Variants in CPLX4 observed in about 807,000 individuals in gnomAD.
CPLX4 encodes the protein complexin 4, also known as complexin-4.
CPLX4 carries 17 observed loss-of-function variants against 16.1 expected under a neutral mutation model. The ratio of observed to expected loss-of-function variants is 1.06; its 90% CI spans 0.72 to 1.59. The LOEUF is 1.59. Ranked by LOEUF, CPLX4 falls within the 40% of genes most tolerant of loss-of-function variation. The pLI is 0.00. For synonymous variants in CPLX4, 55 were observed against 57.8 expected, an observed-to-expected ratio of 0.95 and a Z score of 0.22; for missense variants, 193 against 192.9, an observed-to-expected ratio of 1.00 and a Z score of 0.00.
chr18:59,316,569 A>T (rs942452160), intron 1 of CPLX4, among the ~76,000 whole-genome samples: 2 of 152,152 alleles, frequency 1.3e-5, no homozygotes, highest in Non-Finnish European at 2.9e-5. Context: ...CCTCTTTATC[A>T]TAGGGAAGCC....
chr18:59,304,166 C>T (rs17696543), intron 2 of CPLX4, among the ~76,000 whole-genome samples: 21,478 of 152,174 alleles, frequency 0.14, 1,751 homozygotes, highest in Non-Finnish European at 0.18. Flanking sequence ...GCCCTTAATA[C>T]GGCAGACAAA....
rs2070626354 is a variant in CPLX4, at chr18:59,312,757, A to G, written c.183T>C (p.Ala61=). The change falls in exon 2 of 3, where the codon GCT becomes GCC. Residue 61 remains alanine, a synonymous_variant. Transcript: ENST00000299721. ...QMIEEKMERD[A]AFTQKKAERA... is the part of the protein sequence containing the mutation. ...TTTCTGCCTTTTTCTGTGTAAATGC[A>G]GCATCTCTTTCCATCCTAAAAGTTA... The G allele has an allele frequency of 7.2e-7, 1 of 1,389,944 alleles. No homozygotes were observed. The highest frequency in any genetic ancestry group is 1.0e-6 in the Non-Finnish European group (1 of 976,040). 86.1% of individuals were successfully genotyped at this position (1,389,944 alleles called of 1,614,324 possible).
intron 1 of CPLX4, 100 bp from the exon 2 acceptor site, chr18:59,312,872 G>A: frequency 1.7e-6 from 1 of 605,586 alleles, no homozygotes; most frequent in Non-Finnish European, 2.9e-6. Flanking sequence ...CTTCTGAGAT[G>A]CCACTGCTGG....
At chr18:59,299,480 C>G (rs1053692539) in intron 2 of CPLX4, among the ~76,000 whole-genome samples, 1 of 152,114 alleles carries the variant, frequency 6.6e-6, no homozygotes, top group East Asian at 1.9e-4. Context: ...TAGAGGAAAG[C>G]GTGTCAGCCA....
At chr18:59,312,400 T>G (rs2070622450) in intron 2 of CPLX4, among the ~76,000 whole-genome samples, 1 of 148,572 alleles carries the variant, frequency 6.7e-6, no homozygotes, top group Non-Finnish European at 1.5e-5. Context: ...GATATACGTG[T>G]GTGCATATAT....
intron 2 of CPLX4, among the ~76,000 whole-genome samples, chr18:59,297,691 A>G (rs2070511273): frequency 6.6e-6 from 1 of 152,236 alleles, no homozygotes; most frequent in African/African-American, 2.4e-5. Context: ...TGCAGATTCT[A>G]TCAGCCCCAT....
intron 2 of CPLX4, among the ~76,000 whole-genome samples, chr18:59,298,653 C>T (rs148907982): frequency 1.3e-5 from 2 of 151,836 alleles, no homozygotes; most frequent in Admixed American, 1.3e-4. Context: ...TCTGAATTCT[C>T]CCTGTCTGGG....
chr18:59,316,230 A>G (rs536965494), intron 1 of CPLX4, among the ~76,000 whole-genome samples: 1 of 151,650 alleles, frequency 6.6e-6, no homozygotes, highest in East Asian at 1.9e-4. Flanking sequence ...GACCTCTTTC[A>G]GTACTAATGT....
chr18:59,312,899 A>G, intron 1 of CPLX4, 127 bp from the exon 2 acceptor site: 1 of 521,110 alleles, frequency 1.9e-6, no homozygotes, highest in Non-Finnish European at 3.4e-6. Context: ...CTTGGGAACT[A>G]TGGGATTTTT....
intron 2 of CPLX4, 42 bp downstream of exon 2, chr18:59,312,643 T>G: frequency 1.2e-6 from 1 of 840,654 alleles, no homozygotes; most frequent in Non-Finnish European, 2.0e-6. Context: ...TTCCCATTTA[T>G]CATTAATTAA....
Position 59,318,276 on chromosome 18 carries a change from A to T in CPLX4, c.167+20T>A. Reference sequence around the variant, plus strand: ...GAATTTCCTTTGCTTTTTAAGGGAAATGAAATAGCATGTACTCACTTCTCC... The same window carrying T: ...GAATTTCCTTTGCTTTTTAAGGGAATTGAAATAGCATGTACTCACTTCTCC... On this transcript the variant is annotated intron_variant, in intron 1 of 2. Transcript: ENST00000299721. 2 of 1,545,002 alleles carry T rather than the reference A, an allele frequency of 1.3e-6. No homozygotes were observed. Among genetic ancestry groups the T allele is most frequent in the Non-Finnish European group, 1.7e-6 (2 of 1,143,970 alleles).
At chr18:59,313,992 G>A (rs545678508) in intron 1 of CPLX4, among the ~76,000 whole-genome samples, 16 of 152,274 alleles carry the variant, frequency 1.1e-4, no homozygotes, top group African/African-American at 3.1e-4. Context: ...TCTTGACTCC[G>A]AGTTTGTAAA....
At chr18:59,300,442 C>T (rs539180968) in intron 2 of CPLX4, among the ~76,000 whole-genome samples, 58 of 152,184 alleles carry the variant, frequency 3.8e-4, no homozygotes, top group Admixed American at 6.6e-4. Flanking sequence ...TTTGTAGGTC[C>T]TCTTTGCTGT....
At chr18:59,308,439 G>C (rs10503024) in intron 2 of CPLX4, among the ~76,000 whole-genome samples, 59,408 of 151,002 alleles carry the variant, frequency 0.39, 12,224 homozygotes, top group African/African-American at 0.52. Flanking sequence ...CGCACGATCT[G>C]GTCCTTAATA....
At chr18:59,309,237 G>T (rs1350361005) in intron 2 of CPLX4, among the ~76,000 whole-genome samples, 1 of 152,178 alleles carries the variant, frequency 6.6e-6, no homozygotes, top group Admixed American at 6.5e-5. Context: ...CATAGGCACG[G>T]TTTTGAAACA....
chr18:59,309,333 A>G (rs995394401), intron 2 of CPLX4, among the ~76,000 whole-genome samples: 1 of 152,230 alleles, frequency 6.6e-6, no homozygotes, highest in Non-Finnish European at 1.5e-5. Context: ...GTAAACTGCA[A>G]TGAATGATGG....
At chr18:59,310,441 G>A (rs147198399) in intron 2 of CPLX4, among the ~76,000 whole-genome samples, 293 of 152,270 alleles carry the variant, frequency 1.9e-3, no homozygotes, top group Non-Finnish European at 3.3e-3. Flanking sequence ...CTAAGCCTAA[G>A]GGTGTTCACC....
intron 1 of CPLX4, among the ~76,000 whole-genome samples, chr18:59,314,686 G>A (rs1175098719): frequency 6.6e-6 from 1 of 152,136 alleles, no homozygotes; most frequent in Non-Finnish European, 1.5e-5. Context: ...AGCCCTAGAG[G>A]CAACCACCAC....
Position 59,312,438 on chromosome 18 carries a change from GTA to G in CPLX4, c.255+245_255+246del, listed in dbSNP as rs140555708. On this transcript the variant is annotated intron_variant, in intron 2 of 2. Transcript: ENST00000299721. ...ATATATATCCTGAATATGTGTGTGT[GTA>G]TATATATATATATATCTCCTGAATA... is the stretch of plus-strand genomic sequence containing the variant. 3.1e-3 allele frequency among the ~76,000 whole-genome samples: 448 copies of G among 143,470 alleles called. 1 individual carries two copies. Among genetic ancestry groups the G allele is most frequent in the East Asian group, 0.016 (78 of 4,968 alleles). The allele number at this position is 143,470 out of a possible 152,430, so 94.1% of individuals were successfully genotyped here.
Sources: gnomAD v4.1 joint callset for allele counts (sites outside exome capture counted in the v4.1 genomes callset) on GRCh38, gnomAD v4.1.1 for gene constraint, MANE v1.5 for transcripts, NCBI Gene and HGNC (gene_info 2026-07-23, HGNC 2026-07-21) for gene names.